Variants in AFDN observed in about 807,000 individuals in gnomAD.
AFDN encodes the protein afadin.
AFDN carries 68 observed loss-of-function variants against 216.6 expected under a neutral mutation model. That is an observed-to-expected ratio of 0.31 (90% CI 0.26 to 0.38). The LOEUF is 0.38. Among genes scored for constraint, AFDN ranks in the 10% least tolerant of loss-of-function variants. AFDN has a pLI of 1.00. For missense variants in AFDN, 2,136 were observed against 2,342.0 expected (o/e 0.91, Z 1.82); for synonymous variants, 868 against 853.7 (o/e 1.02, Z -0.29).
At chr6:167,948,134 G>T in intron 28 of AFDN, 159 bp from the exon 29 acceptor site, 1 of 792,228 alleles carries the variant, frequency 1.3e-6, no homozygotes, top group Non-Finnish European at 1.9e-6. Flanking sequence ...AATAAGTCTG[G>T]GCAAAATGAA....
intron 1 of AFDN, among the ~76,000 whole-genome samples, chr6:167,849,544 C>T (rs2128169603): frequency 6.6e-6 from 1 of 152,232 alleles, no homozygotes; most frequent in African/African-American, 2.4e-5. Context: ...CACATCTTAC[C>T]ATATTCTTAT....
intron 5 of AFDN, among the ~76,000 whole-genome samples, chr6:167,878,430 A>G (rs1262954108): frequency 6.6e-6 from 1 of 152,052 alleles, no homozygotes; most frequent in Non-Finnish European, 1.5e-5. Flanking sequence ...CACAGTTTAA[A>G]TGGACTCCAC....
At chr6:167,898,108 T>C in intron 10 of AFDN, 97 bp from the exon 11 acceptor site, 2 of 1,307,946 alleles carry the variant, frequency 1.5e-6, no homozygotes, top group South Asian at 1.4e-5. Context: ...TATTAGGTTA[T>C]ATTTGTCATA....
At chr6:167,858,741 T>C (rs1208293965) in intron 1 of AFDN, among the ~76,000 whole-genome samples, 2 of 152,226 alleles carry the variant, frequency 1.3e-5, no homozygotes, top group Non-Finnish European at 2.9e-5. Context: ...TTTGCTAAGT[T>C]GCTCTCAGTT....
chr6:167,903,732 A>G (rs541087348), intron 12 of AFDN, among the ~76,000 whole-genome samples: 4 of 150,030 alleles, frequency 2.7e-5, no homozygotes, highest in South Asian at 2.1e-4. Context: ...CTTCTTGGGG[A>G]AAAAAAAATC....
chr6:167,913,698 A>G, intron 16 of AFDN: 1 of 502,544 alleles, frequency 2.0e-6, no homozygotes, highest in South Asian at 2.7e-5. Context: ...TTTGGATCTC[A>G]TCTGAGGTTG....
Position 167,827,035 on chromosome 6 carries a change from CGGGGGGT to C in AFDN, c.-95_-89del. 4.7e-6 allele frequency: 2 copies of C among 429,398 alleles called. No homozygotes were observed. Among genetic ancestry groups the C allele is most frequent in the Non-Finnish European group, 6.2e-6 (2 of 321,400 alleles). 26.6% of individuals were successfully genotyped at this position (429,398 alleles called of 1,614,324 possible). A position where few individuals can be genotyped will look rare whatever the true frequency, so the allele number is the denominator to read the frequency against. On this transcript the variant is annotated 5_prime_UTR_variant, in exon 1 of 34. Coordinates refer to ENST00000683244, the MANE Select transcript of AFDN (RefSeq NM_001386888.1). The stretch of plus-strand genomic sequence containing the variant: ...CAGCCGCGGAGGCGGAGGCGGCCGG[CGGGGGGT>C]GGCGAGGGGCGCCGGGCCCCCGCGG...
In AFDN at chr6:167,938,453, G is replaced by A. The variant is rs190389314; in HGVS notation, c.3100-4676G>A. ...TGGATTTAGAGAGACCAGAAGATCAGTCATGAGGAGAGCTTCCTCATTTTG... is the reference window on the plus strand; with the variant it reads ...TGGATTTAGAGAGACCAGAAGATCAATCATGAGGAGAGCTTCCTCATTTTG... On this transcript the variant is annotated intron_variant, in intron 23 of 33. Coordinates refer to ENST00000683244, the MANE Select transcript of AFDN (RefSeq NM_001386888.1). Among the ~76,000 whole-genome samples, 10 of 152,322 alleles carry A rather than the reference G, an allele frequency of 6.6e-5. No individual in the cohort carries two copies. In the East Asian group the frequency reaches 1.9e-3, roughly 29 times the overall value.
chr6:167,947,463 G>A (rs560900543), intron 27 of AFDN, among the ~76,000 whole-genome samples: 1 of 152,260 alleles, frequency 6.6e-6, no homozygotes, highest in Non-Finnish European at 1.5e-5. Flanking sequence ...ACAGGCTTGA[G>A]CCACCATGCC....
Position 167,969,100 on chromosome 6 carries a change from C to A in AFDN, c.5258-14C>A, listed in dbSNP as rs1583094680. ...TCAGGTACTTTAACTTGTACTGTTTCTTTCATGGAAAAGGACCAAACTCTT... is the reference window on the plus strand; with the variant it reads ...TCAGGTACTTTAACTTGTACTGTTTATTTCATGGAAAAGGACCAAACTCTT... On this transcript the variant is annotated splice_polypyrimidine_tract_variant and intron_variant, in intron 32 of 33. Coordinates refer to ENST00000683244, the MANE Select transcript of AFDN (RefSeq NM_001386888.1). 3.1e-6 allele frequency: 5 copies of A among 1,598,592 alleles called. No homozygotes were observed. Among genetic ancestry groups the A allele is most frequent in the Non-Finnish European group, 4.3e-6 (5 of 1,165,922 alleles).
intron 1 of AFDN, among the ~76,000 whole-genome samples, chr6:167,847,052 C>T (rs1053619902): frequency 9.2e-5 from 14 of 152,042 alleles, no homozygotes; most frequent in Admixed American, 9.2e-4. Context: ...TTTTCATTTG[C>T]TTTTTTACCG....
intron 4 of AFDN, among the ~76,000 whole-genome samples, 153 bp from the exon 5 acceptor site, chr6:167,875,182 A>G (rs1785214443): frequency 6.6e-6 from 1 of 152,244 alleles, no homozygotes; most frequent in Admixed American, 6.5e-5. Context: ...ATCATATAGT[A>G]ATTAGCATGT....
intron 23 of AFDN, among the ~76,000 whole-genome samples, chr6:167,934,753 G>A (rs1230194902): frequency 1.3e-5 from 2 of 151,836 alleles, no homozygotes; most frequent in East Asian, 1.9e-4. Flanking sequence ...TGTTTATCAC[G>A]TTGTACTCCC....
chr6:167,898,428 A>T lies in AFDN; in HGVS notation c.1541A>T (p.Asp514Val), dbSNP rs1402464623. ...CATGCTCTTGCAAAAAGATCTGTGG[A>T]TGGAGGCCTGATGGTTAAGGGCCCA... ...QDHALAKRSV[D>V]GGLMVKGPRH... Residue 514 changes from aspartate to valine, a missense_variant, in exon 11 of 34, where the codon GAT becomes GTT. Asp to Val is a radical substitution (Grantham distance 152). Transcript: ENST00000683244. 2 of 1,614,108 alleles carry T rather than the reference A, an allele frequency of 1.2e-6. No individual in the cohort carries two copies. Among genetic ancestry groups the T allele is most frequent in the African/African-American group, 1.3e-5 (1 of 74,948 alleles).
At chr6:167,862,053 G>A (rs543228716) in intron 1 of AFDN, among the ~76,000 whole-genome samples, 2 of 152,178 alleles carry the variant, frequency 1.3e-5, no homozygotes, top group South Asian at 2.1e-4. Flanking sequence ...TGAAAGTATT[G>A]GAATCCTGGA....
At chr6:167,847,469 C>T (rs559882969) in intron 1 of AFDN, among the ~76,000 whole-genome samples, 1 of 152,178 alleles carries the variant, frequency 6.6e-6, no homozygotes, top group South Asian at 2.1e-4. Flanking sequence ...CTCTCATCGG[C>T]ACCGCACTCT....
At chr6:167,889,886 C>CTG (rs1360286331) in intron 7 of AFDN, among the ~76,000 whole-genome samples, 2 of 152,224 alleles carry the variant, frequency 1.3e-5, no homozygotes, top group African/African-American at 4.8e-5. Context: ...ACTAGATTAA[C>CTG]TGTGTGATGT....
intron 23 of AFDN, among the ~76,000 whole-genome samples, chr6:167,930,546 T>G (rs1291168480): frequency 6.6e-6 from 1 of 152,170 alleles, no homozygotes; most frequent in African/African-American, 2.4e-5. Context: ...GTGCACAGGC[T>G]CAGCCCAGTT....
At chr6:167,871,570 A>G (rs1784799542) in intron 3 of AFDN, among the ~76,000 whole-genome samples, 1 of 152,204 alleles carries the variant, frequency 6.6e-6, no homozygotes, top group African/African-American at 2.4e-5. Context: ...TTATTTTCTT[A>G]TTAAGTTATC....
Sources: gnomAD v4.1 joint callset for allele counts (sites outside exome capture counted in the v4.1 genomes callset) on GRCh38, gnomAD v4.1.1 for gene constraint, MANE v1.5 for transcripts, NCBI Gene and HGNC (gene_info 2026-07-23, HGNC 2026-07-21) for gene names.